Variants in HDAC9 observed in about 807,000 individuals in gnomAD.
The protein encoded by HDAC9 is MEF-2 interacting transcription repressor (MITR) protein.
HDAC9 carries 41 observed loss-of-function variants against 139.4 expected under a neutral mutation model. That is an observed-to-expected ratio of 0.29 (90% CI 0.23 to 0.38). HDAC9 has a LOEUF of 0.38. Ranked by LOEUF, HDAC9 falls within the 10% of genes least tolerant of loss-of-function variation. The probability of loss-of-function intolerance (pLI) is 1.00; values close to 1 mark genes in which losing one functional copy is unlikely to be tolerated. For synonymous variants in HDAC9, 517 were observed against 476.2 expected (o/e 1.09, Z -1.12); for missense variants, 1,147 against 1,297.0 (o/e 0.88, Z 1.78).
chr7:18,451,066 A>G (rs1792770274), intron 1 of HDAC9, among the ~76,000 whole-genome samples: 1 of 152,128 alleles, frequency 6.6e-6, no homozygotes, highest in Non-Finnish European at 1.5e-5. Flanking sequence ...TGGTATTAAG[A>G]GGTAAGGTCT....
At chr7:18,517,966 G>A (rs1751487259) in intron 2 of HDAC9, 1 of 151,998 alleles carries the variant, frequency 6.6e-6, no homozygotes, top group African/African-American at 2.4e-5. Flanking sequence ...TCTATTCCCA[G>A]TTCTTTCACT....
intron 2 of HDAC9, among the ~76,000 whole-genome samples, chr7:18,508,997 A>G (rs1800628995): frequency 6.6e-6 from 1 of 152,232 alleles, no homozygotes; most frequent in Non-Finnish European, 1.5e-5. Flanking sequence ...ACATGTTGTT[A>G]CAAAAAAATA....
intron 22 of HDAC9, among the ~76,000 whole-genome samples, chr7:18,889,743 G>A (rs1307489206): frequency 2.0e-5 from 3 of 152,286 alleles, no homozygotes; most frequent in Admixed American, 2.0e-4. Context: ...TGTCACCCAG[G>A]CTGAAGTGCA....
intron 2 of HDAC9, among the ~76,000 whole-genome samples, chr7:18,549,081 T>C (rs1223271830): frequency 6.6e-6 from 1 of 151,874 alleles, no homozygotes; most frequent in African/African-American, 2.4e-5. Flanking sequence ...CTACTAAAAA[T>C]ACAAAAATTA....
At chr7:18,681,147 CCTT>C (rs1462788817) in intron 12 of HDAC9, among the ~76,000 whole-genome samples, 31 of 152,114 alleles carry the variant, frequency 2.0e-4, no homozygotes, top group African/African-American at 6.0e-4. Flanking sequence ...CTAATTCAAG[CCTT>C]CTTCTTTGGT....
intron 6 of HDAC9, among the ~76,000 whole-genome samples, chr7:18,615,382 A>G (rs1338039615): frequency 6.6e-6 from 1 of 152,190 alleles, no homozygotes; most frequent in Non-Finnish European, 1.5e-5. Flanking sequence ...GCAACAAAAA[A>G]AGGGAAATAC....
intron 6 of HDAC9, among the ~76,000 whole-genome samples, chr7:18,626,493 G>A (rs1246801491): frequency 6.6e-6 from 1 of 152,164 alleles, no homozygotes; most frequent in African/African-American, 2.4e-5. Context: ...ATGAGAAATC[G>A]AGGTTTAATG....
rs1810088021 is a variant in HDAC9, at chr7:18,534,264, TC to T, written c.22+37942del. On this transcript the variant is annotated intron_variant, in intron 2 of 25. Transcript: ENST00000686413. Reference sequence around the variant, plus strand: ...TTTGTGTGTATGTGGTTAGAAAGAATCCTTGCATGTGCAGGCGTGATGGCTC... The same window carrying T: ...TTTGTGTGTATGTGGTTAGAAAGAATCTTGCATGTGCAGGCGTGATGGCTC... Among the ~76,000 whole-genome samples the T allele has an allele frequency of 3.3e-5, 5 of 152,300 alleles. No homozygotes were observed. In the South Asian group the frequency reaches 1.0e-3, roughly 32 times the overall value.
chr7:18,218,653 A>C (rs1251205001), intron 2 of HDAC9, among the ~76,000 whole-genome samples: 1 of 152,124 alleles, frequency 6.6e-6, no homozygotes. Context: ...TCCACCATTC[A>C]GTCCCTGTGG....
At chr7:18,730,159 T>A (rs374520466) in intron 13 of HDAC9, among the ~76,000 whole-genome samples, 37 of 152,304 alleles carry the variant, frequency 2.4e-4, no homozygotes, top group East Asian at 7.7e-4. Flanking sequence ...GGGATTAAAA[T>A]ATATATATAC....
chr7:18,629,222 G>T, intron 6 of HDAC9, 128 bp from the exon 7 acceptor site: 1 of 773,768 alleles, frequency 1.3e-6, no homozygotes. Context: ...TATGTGCTTG[G>T]GTTTTTCATT....
rs1794291188 is a variant in HDAC9 at position 18,664,720 on chromosome 7, C to T, written c.1468-1493C>T. On this transcript the variant is annotated intron_variant, in intron 11 of 25. Coordinates refer to ENST00000686413, the MANE Select transcript of HDAC9 (RefSeq NM_178425.4). ...TAAATATAACACTTCCTCAGCTTAA[C>T]TCCCTTAACAATCCCCATTTCCACT... is the stretch of plus-strand genomic sequence containing the variant. Among the ~76,000 whole-genome samples the T allele has an allele frequency of 2.6e-5, 4 of 152,174 alleles. No homozygotes were observed. In the South Asian group the frequency reaches 8.3e-4, roughly 32 times the overall value.
rs750018217 is a variant in HDAC9, at chr7:18,666,418, A to T, written c.1673A>T (p.Asp558Val). ...VKVKEEPVDS[D>V]EDAQIQEMES... ...GTCAAGGAGGAACCAGTGGACAGTGATGAAGATGCTCAGATCCAGGAAATG... is the reference window on the plus strand; with the variant it reads ...GTCAAGGAGGAACCAGTGGACAGTGTTGAAGATGCTCAGATCCAGGAAATG... Residue 558 changes from aspartate (D) to valine (V), a missense_variant, in exon 12 of 26, where the codon GAT becomes GTT. Physicochemically the swap from Asp to Val is radical, Grantham distance 152 (BLOSUM62 -3). This residue lies in a region of HDAC9 where 256 missense variants were observed against 219.2 expected (regional missense o/e 1.17). Coordinates refer to ENST00000686413, the MANE Select transcript of HDAC9 (RefSeq NM_178425.4). The T allele has an allele frequency of 4.7e-5, 75 of 1,612,744 alleles. No homozygotes were observed. The highest frequency in any genetic ancestry group is 6.0e-5 in the Non-Finnish European group (71 of 1,179,392).
intron 13 of HDAC9, among the ~76,000 whole-genome samples, chr7:18,748,673 C>G (rs183054699): frequency 6.6e-6 from 1 of 152,260 alleles, no homozygotes; most frequent in East Asian, 1.9e-4. Context: ...AAAAACAATT[C>G]ATAATGATTT....
rs187637972 is a variant in HDAC9, at chr7:18,788,044, C to A, written c.2215-5301C>A. 1.7e-3 allele frequency among the ~76,000 whole-genome samples: 255 copies of A among 152,278 alleles called. 1 individual carries two copies. The highest frequency in any genetic ancestry group is 5.6e-3 in the African/African-American group (233 of 41,560). ...GAGCTGAAGGGGTACCTGGATCCTC[C>A]TGCTGTCCTCTGAACACTCAGGGTT... On this transcript the variant is annotated intron_variant, in intron 16 of 25. Transcript: ENST00000686413.
intron 22 of HDAC9, among the ~76,000 whole-genome samples, chr7:18,918,328 T>A (rs1803392307): frequency 1.3e-5 from 2 of 149,798 alleles, no homozygotes; most frequent in South Asian, 4.2e-4. Flanking sequence ...GCTGGCAGCT[T>A]GACATGGGGG....
At chr7:18,198,906 A>G (rs1790910225) in intron 2 of HDAC9, among the ~76,000 whole-genome samples, 2 of 152,116 alleles carry the variant, frequency 1.3e-5, no homozygotes, top group African/African-American at 4.8e-5. Context: ...TGCCCCCAGG[A>G]TCATGCGTTG....
intron 23 of HDAC9, among the ~76,000 whole-genome samples, chr7:18,945,507 C>G (rs1282696956): frequency 1.3e-5 from 2 of 152,196 alleles, no homozygotes; most frequent in East Asian, 3.9e-4. Context: ...ATTTATCAAT[C>G]TTTTCCTGTA....
intron 11 of HDAC9, among the ~76,000 whole-genome samples, chr7:18,652,563 G>T (rs543288023): frequency 8.6e-5 from 13 of 151,658 alleles, no homozygotes; most frequent in Non-Finnish European, 1.9e-4. Context: ...ATCTCTTTAG[G>T]CATTTTTGTT....
Sources: allele counts gnomAD v4.1 joint callset (sites outside exome capture counted in the v4.1 genomes callset), GRCh38; gene constraint gnomAD v4.1.1; regional missense constraint gnomAD v4.1.1; transcripts MANE v1.5; gene names NCBI Gene and HGNC (gene_info 2026-07-23, HGNC 2026-07-21).